Variants in ANKAR observed in about 807,000 individuals in gnomAD.
ANKAR encodes the protein ankyrin and armadillo repeat containing.
A neutral mutation model predicts 146.2 loss-of-function variants in ANKAR; 136 were observed. The ratio of observed to expected loss-of-function variants is 0.93; its 90% CI spans 0.81 to 1.07. The LOEUF (loss-of-function observed/expected upper bound fraction) is 1.07, where lower values mean the gene tolerates loss of function less well. ANKAR is among the 50% of genes least tolerant of loss of function. The pLI is 0.00. For synonymous variants in ANKAR, 500 were observed against 575.8 expected (o/e 0.87, Z 1.88); for missense variants, 1,567 against 1,679.9 (o/e 0.93, Z 1.18).
chr2:189,719,060 T>C lies in ANKAR; in HGVS notation c.2225-512T>C, dbSNP rs575569003. Among the ~76,000 whole-genome samples the C allele has an allele frequency of 3.9e-5, 6 of 152,366 alleles. No individual in the cohort carries two copies. The East Asian group carries it at 1.2e-3, about 29-fold the overall frequency. ...CACCGCGCCCGGCCTATTTTCACTA[T>C]GGCTAATTTCTATCTTTGAGCCTAT... On this transcript the variant is annotated intron_variant, in intron 10 of 22. Transcript: ENST00000684021.
intron 12 of ANKAR, among the ~76,000 whole-genome samples, chr2:189,724,565 T>C (rs1559122101): frequency 6.6e-6 from 1 of 152,204 alleles, no homozygotes; most frequent in Non-Finnish European, 1.5e-5. Context: ...GGACAGTGTC[T>C]AGCACATAGC....
downstream of ANKAR, chr2:189,761,419 C>T: frequency 6.3e-7 from 1 of 1,595,960 alleles, no homozygotes; most frequent in Non-Finnish European, 8.5e-7. Flanking sequence ...TGTCTACTTA[C>T]TTTAAATGAA....
chr2:189,753,409 G>A (rs900956890), intron 18 of ANKAR, among the ~76,000 whole-genome samples: 1 of 151,992 alleles, frequency 6.6e-6, no homozygotes, highest in African/African-American at 2.4e-5. Context: ...TAAAGTTTAA[G>A]ATACAGTTAA....
chr2:189,718,890 C>T (rs1031653722), intron 10 of ANKAR, among the ~76,000 whole-genome samples: 4 of 151,326 alleles, frequency 2.6e-5, no homozygotes, highest in Admixed American at 6.6e-5. Context: ...GCTGGGACTA[C>T]AGGCGCCCGC....
intron 12 of ANKAR, among the ~76,000 whole-genome samples, chr2:189,724,142 T>C (rs1420140623): frequency 1.3e-5 from 2 of 152,170 alleles, no homozygotes. Flanking sequence ...TTAACATTTC[T>C]GAGTTGGCCA....
intron 10 of ANKAR, among the ~76,000 whole-genome samples, chr2:189,717,264 A>C (rs2040585567): frequency 6.6e-6 from 1 of 152,222 alleles, no homozygotes; most frequent in Non-Finnish European, 1.5e-5. Context: ...ACCCCATCAA[A>C]AAGCGGGCAA....
In ANKAR at chr2:189,694,961, T is replaced by C. The variant is rs768706610; in HGVS notation, c.1308-20T>C. On this transcript the variant is annotated intron_variant, in intron 5 of 22. Transcript: ENST00000684021. Reference sequence around the variant, plus strand: ...ACTTCAAAGTTAGAGAAACATCTTTTTTTTCTTTATTTTTTATAGCTACTA... The same window carrying C: ...ACTTCAAAGTTAGAGAAACATCTTTCTTTTCTTTATTTTTTATAGCTACTA... 1.5e-5 allele frequency: 21 copies of C among 1,395,520 alleles called. No individual in the cohort carries two copies. The Admixed American group carries it at 3.7e-4, about 24-fold the overall frequency. The allele number at this position is 1,395,520 out of a possible 1,614,324, so 86.4% of individuals were successfully genotyped here.
Position 189,705,177 on chromosome 2 carries a change from T to C in ANKAR, c.1863T>C (p.Ala621=), listed in dbSNP as rs775954384. The change falls in exon 8 of 23, where the codon GCT becomes GCC. Residue 621 remains alanine (A), a synonymous_variant. Transcript: ENST00000684021. ...AFYDNVCIII[A]LCRKDPSLLE... is the part of the protein sequence containing the mutation. ...ATGACAACGTTTGCATCATTATTGC[T>C]CTCTGTAGGAAGGATCCTAGTTTGC... 1.2e-6 allele frequency: 2 copies of C among 1,614,138 alleles called. No individual in the cohort carries two copies. The highest frequency in any genetic ancestry group is 2.2e-5 in the East Asian group (1 of 44,876).
chr2:189,726,421 A>G (rs2105819263), intron 12 of ANKAR, among the ~76,000 whole-genome samples: 1 of 152,278 alleles, frequency 6.6e-6, no homozygotes, highest in Admixed American at 6.5e-5. Flanking sequence ...AGCTGGGATT[A>G]CAGGCATGCA....
At chr2:189,715,419 A>G (rs1026891703) in intron 10 of ANKAR, among the ~76,000 whole-genome samples, 1 of 152,242 alleles carries the variant, frequency 6.6e-6, no homozygotes, top group African/African-American at 2.4e-5. Context: ...TAGACCATTA[A>G]CAGGCTCTGA....
chr2:189,714,964 AAAAG>A (rs1196932127), intron 10 of ANKAR, among the ~76,000 whole-genome samples: 31 of 143,882 alleles, frequency 2.2e-4, no homozygotes, highest in Non-Finnish European at 3.4e-4. Flanking sequence ...AAAAAAAAAA[AAAAG>A]AGAGAGAGAG....
At chr2:189,742,277 G>A (rs1047894331) in intron 20 of ANKAR, among the ~76,000 whole-genome samples, 4 of 152,140 alleles carry the variant, frequency 2.6e-5, no homozygotes, top group Non-Finnish European at 5.9e-5. Context: ...CAGGGTTCAA[G>A]GTTTAGAAGA....
intron 7 of ANKAR, 59 bp from the exon 8 acceptor site, chr2:189,704,964 A>G: frequency 6.7e-7 from 1 of 1,500,352 alleles, no homozygotes; most frequent in Admixed American, 1.7e-5. Flanking sequence ...TAAGGCATTT[A>G]GGTTTTTTTT....
At chr2:189,746,334 T>C in intron 22 of ANKAR, 46 bp from the exon 23 acceptor site, 4 of 1,541,444 alleles carry the variant, frequency 2.6e-6, no homozygotes, top group Non-Finnish European at 3.5e-6. Flanking sequence ...AATGAGACTA[T>C]ACCTAGGGCT....
chr2:189,760,367 G>A (rs537664128), intron 18 of ANKAR, among the ~76,000 whole-genome samples: 14 of 152,154 alleles, frequency 9.2e-5, no homozygotes, highest in East Asian at 3.9e-4. Context: ...AAGACGGGGC[G>A]GCTGCCGGGC....
intron 1 of ANKAR, 149 bp downstream of exon 1, chr2:189,674,979 C>T (rs943604981): frequency 6.6e-6 from 1 of 152,254 alleles, no homozygotes; most frequent in Non-Finnish European, 1.5e-5. Context: ...CTGCAACCTC[C>T]TGGTCTCCGT....
intron 18 of ANKAR, chr2:189,754,835 A>G: frequency 3.5e-6 from 1 of 283,142 alleles, no homozygotes; most frequent in Non-Finnish European, 6.6e-6. Flanking sequence ...TCCTTATGTT[A>G]ATCTATATAT....
intron 7 of ANKAR, among the ~76,000 whole-genome samples, chr2:189,703,967 C>T (rs2038460277): frequency 6.6e-6 from 1 of 152,146 alleles, no homozygotes; most frequent in Non-Finnish European, 1.5e-5. Flanking sequence ...TCTCCCTCAA[C>T]ACTTGGGGAT....
chr2:189,752,575 C>A, intron 18 of ANKAR: 1 of 1,386,824 alleles, frequency 7.2e-7, no homozygotes, highest in Non-Finnish European at 1.0e-6. Flanking sequence ...TCAATGAAAA[C>A]CTCATATATA....
Sources: allele counts gnomAD v4.1 joint callset (sites outside exome capture counted in the v4.1 genomes callset), GRCh38; gene constraint gnomAD v4.1.1; transcripts MANE v1.5; gene names NCBI Gene and HGNC (gene_info 2026-07-23, HGNC 2026-07-21).